Variants in FLT3 observed in about 807,000 individuals in gnomAD.
FLT3 encodes the protein receptor-type tyrosine-protein kinase FLT3.
In FLT3, 46 loss-of-function variants were observed where a neutral mutation model predicts 126.6. The ratio of observed to expected loss-of-function variants is 0.36; its 90% CI spans 0.29 to 0.46. The LOEUF is 0.46. Ranked by LOEUF, FLT3 falls within the 20% of genes least tolerant of loss-of-function variation. FLT3 has a pLI of 1.00. For missense variants in FLT3, 1,069 were observed against 1,190.3 expected, an observed-to-expected ratio of 0.90 and a Z score of 1.50; for synonymous variants, 404 against 434.4, an observed-to-expected ratio of 0.93 and a Z score of 0.87.
chr13:28,069,133 T>G (rs965936192), intron 2 of FLT3, among the ~76,000 whole-genome samples: 4 of 152,258 alleles, frequency 2.6e-5, no homozygotes, highest in Non-Finnish European at 5.9e-5. Context: ...ATGAAGGATG[T>G]GCCTGCTTCA....
At chr13:28,005,529 A>G (rs1463250495) in intron 23 of FLT3, among the ~76,000 whole-genome samples, 1 of 152,006 alleles carries the variant, frequency 6.6e-6, no homozygotes, top group Non-Finnish European at 1.5e-5. Flanking sequence ...GGATGGCCAC[A>G]TATTTTTTTT....
rs542046601 is a variant in FLT3, at chr13:28,089,588, G to A, written c.43+10880C>T. ...CTGATCAGATAAATCTGATAATTCT[G>A]CTATGTGAAATAAACACACTCAAAG... is the stretch of plus-strand genomic sequence containing the variant. On this transcript the variant is annotated intron_variant, in intron 1 of 23. Coordinates refer to ENST00000241453, the MANE Select transcript of FLT3 (RefSeq NM_004119.3). Among the ~76,000 whole-genome samples the A allele has an allele frequency of 3.9e-5, 6 of 152,052 alleles. No individual in the cohort carries two copies. The South Asian group carries it at 1.2e-3, about 32-fold the overall frequency.
At chr13:28,037,878 G>A (rs1593245689) in intron 9 of FLT3, among the ~76,000 whole-genome samples, 1 of 152,258 alleles carries the variant, frequency 6.6e-6, no homozygotes, top group South Asian at 2.1e-4. Flanking sequence ...CACACGCCAG[G>A]GATCTAGGTT....
At chr13:28,089,988 G>A (rs1009192946) in intron 1 of FLT3, among the ~76,000 whole-genome samples, 12 of 151,752 alleles carry the variant, frequency 7.9e-5, no homozygotes, top group East Asian at 5.8e-4. Context: ...TGATCCGCCC[G>A]CCTCGGCCTC....
chr13:28,056,692 A>G (rs9513013), intron 4 of FLT3, among the ~76,000 whole-genome samples: 38,212 of 152,174 alleles, frequency 0.25, 5,465 homozygotes, highest in African/African-American at 0.39. Flanking sequence ...TCTAGCACGC[A>G]TGTGGGCCCG....
intron 20 of FLT3, among the ~76,000 whole-genome samples, chr13:28,016,696 C>T (rs1871896883): frequency 6.6e-6 from 1 of 152,142 alleles, no homozygotes; most frequent in South Asian, 2.1e-4. Context: ...TTCATGCAGG[C>T]AAGTCTGGTT....
At chr13:28,073,004 C>CT (rs1877656304) in intron 1 of FLT3, among the ~76,000 whole-genome samples, 1 of 143,892 alleles carries the variant, frequency 6.9e-6, no homozygotes, top group Non-Finnish European at 1.5e-5. Flanking sequence ...GACTCCGTCT[C>CT]TAAAAAAAAA....
At chr13:28,067,293 G>T (rs1269763357) in intron 2 of FLT3, among the ~76,000 whole-genome samples, 1 of 152,200 alleles carries the variant, frequency 6.6e-6, no homozygotes, top group Non-Finnish European at 1.5e-5. Flanking sequence ...AAAATGCTGG[G>T]ATTACAGGCG....
intron 1 of FLT3, among the ~76,000 whole-genome samples, chr13:28,088,669 T>C (rs192978770): frequency 0.013 from 1,827 of 135,608 alleles, 35 homozygotes; most frequent in African/African-American, 0.046. Context: ...CACTGCAACC[T>C]CCACCCCCGG....
At chr13:28,073,763 A>G (rs1210914925) in intron 1 of FLT3, among the ~76,000 whole-genome samples, 1 of 148,490 alleles carries the variant, frequency 6.7e-6, no homozygotes, top group Non-Finnish European at 1.5e-5. Flanking sequence ...GTGAAACCCC[A>G]TCTCTACAAA....
intron 1 of FLT3, among the ~76,000 whole-genome samples, chr13:28,089,377 A>G (rs946503169): frequency 6.6e-6 from 1 of 151,224 alleles, no homozygotes; most frequent in African/African-American, 2.5e-5. Flanking sequence ...AAAAGAAATG[A>G]AAACCTATGC....
At chr13:28,084,195 G>A (rs548991935) in intron 1 of FLT3, among the ~76,000 whole-genome samples, 89 of 151,920 alleles carry the variant, frequency 5.9e-4, no homozygotes, top group Non-Finnish European at 9.1e-4. Flanking sequence ...GTCTTGCTAT[G>A]TTACCCAGGC....
At chr13:28,072,809 C>T (rs1188110474) in intron 1 of FLT3, among the ~76,000 whole-genome samples, 1 of 151,478 alleles carries the variant, frequency 6.6e-6, no homozygotes, top group African/African-American at 2.4e-5. Context: ...CGAGACCATC[C>T]TGGCTAACGT....
intron 15 of FLT3, 135 bp downstream of exon 15, chr13:28,033,752 A>G: frequency 2.8e-6 from 2 of 708,092 alleles, no homozygotes; most frequent in South Asian, 3.5e-5. Context: ...TGACACCCCA[A>G]TCCACTCCAT....
intron 2 of FLT3, among the ~76,000 whole-genome samples, chr13:28,066,374 T>C (rs1422832917): frequency 6.6e-6 from 1 of 152,210 alleles, no homozygotes; most frequent in East Asian, 1.9e-4. Flanking sequence ...GGTTCCTAAA[T>C]ACTACCCCCC....
chr13:28,015,075 G>T, intron 22 of FLT3, 82 bp downstream of exon 22: 1 of 828,290 alleles, frequency 1.2e-6, no homozygotes, highest in Admixed American at 2.2e-5. Flanking sequence ...TAAGGAGTTT[G>T]ACTTTTTTTG....
chr13:28,090,432 C>T (rs1807506599), intron 1 of FLT3, among the ~76,000 whole-genome samples: 1 of 152,152 alleles, frequency 6.6e-6, no homozygotes, highest in South Asian at 2.1e-4. Context: ...GAACTGCATA[C>T]TAAAGAGGAT....
chr13:28,087,014 G>A (rs765215742), intron 1 of FLT3, among the ~76,000 whole-genome samples: 1 of 152,038 alleles, frequency 6.6e-6, no homozygotes, highest in Non-Finnish European at 1.5e-5. Flanking sequence ...TTCAGTTTTT[G>A]TACATCTGAA....
At chr13:28,037,320 C>A (rs755786789) in intron 9 of FLT3, 32 bp from the exon 10 acceptor site, 1 of 1,326,440 alleles carries the variant, frequency 7.5e-7, no homozygotes, top group Non-Finnish European at 1.1e-6. Context: ...ACAGATTTAG[C>A]CCAATTGCTA....
Sources: gnomAD v4.1 joint callset for allele counts (sites outside exome capture counted in the v4.1 genomes callset) on GRCh38, gnomAD v4.1.1 for gene constraint, MANE v1.5 for transcripts, NCBI Gene and HGNC (gene_info 2026-07-23, HGNC 2026-07-21) for gene names.